RSAD2: variants seen among roughly 807,000 people sequenced by gnomAD.
RSAD2 encodes the protein radical S-adenosyl methionine domain containing 2.
RSAD2 carries 38 observed loss-of-function variants against 37.7 expected under a neutral mutation model. That is an observed-to-expected ratio of 1.01 (90% CI 0.78 to 1.32). The LOEUF is 1.32. RSAD2 is among the 40% of genes most tolerant of loss of function. The pLI is 0.00. For missense variants in RSAD2, 428 were observed against 437.5 expected (o/e 0.98, Z 0.19); for synonymous variants, 163 against 157.4 (o/e 1.04, Z -0.27).
chr2:6,884,743 G>A (rs16865704), intron 2 of RSAD2, among the ~76,000 whole-genome samples: 5 of 152,154 alleles, frequency 3.3e-5, no homozygotes, highest in East Asian at 1.9e-4. Flanking sequence ...TGTGGAGAAC[G>A]GGAAGCATCG....
At chr2:6,886,896 C>A in intron 2 of RSAD2, 39 bp from the exon 3 acceptor site, 1 of 1,522,132 alleles carries the variant, frequency 6.6e-7, no homozygotes, top group Non-Finnish European at 9.1e-7. Context: ...GGGCTTGGTC[C>A]TTGGATAGAA....
At chr2:6,873,306 C>A (rs188591809), upstream of RSAD2, among the ~76,000 whole-genome samples, 6 of 152,284 alleles carry the variant, frequency 3.9e-5, no homozygotes, top group African/African-American at 1.2e-4. Flanking sequence ...CCATGTTCAA[C>A]GTACTAGTTT....
intron 1 of RSAD2, among the ~76,000 whole-genome samples, chr2:6,870,890 C>G (rs1285746118): frequency 6.6e-6 from 1 of 152,182 alleles, no homozygotes; most frequent in Non-Finnish European, 1.5e-5. Context: ...TTCTGGCACT[C>G]CAGCTGGATT....
chr2:6,867,121 C>T (rs1028484139), intron 1 of RSAD2, among the ~76,000 whole-genome samples: 1 of 152,190 alleles, frequency 6.6e-6, no homozygotes, highest in Non-Finnish European at 1.5e-5. Flanking sequence ...GACAGTACTG[C>T]ATCCTCAAGC....
At chr2:6,878,534 C>G (rs1227786912) in intron 1 of RSAD2, among the ~76,000 whole-genome samples, 1 of 152,160 alleles carries the variant, frequency 6.6e-6, no homozygotes, top group Non-Finnish European at 1.5e-5. Flanking sequence ...TTTCCAGAAA[C>G]AGTTATTAAT....
chr2:6,877,660 ACT>A, upstream of RSAD2: 1 of 647,032 alleles, frequency 1.5e-6, no homozygotes, highest in Admixed American at 3.0e-5. Context: ...AAAAATCGAA[ACT>A]CTAACTCAGC....
chr2:6,877,969 G>A lies in RSAD2; in HGVS notation c.169G>A (p.Asp57Asn). Residue 57 changes from aspartate to asparagine, a missense_variant, in exon 1 of 6, where the codon GAT (aspartate) becomes AAT (asparagine). Coordinates refer to ENST00000382040, the MANE Select transcript of RSAD2 (RefSeq NM_080657.5). ...RKQQLVLRGPDETKEEEEDPP... is the reference protein window; with the variant it reads ...RKQQLVLRGPNETKEEEEDPP... ...GCAGCAGCTGGTCCTGAGAGGGCCA[G>A]ATGAGACCAAAGAGGAGGAAGAGGA... 6.2e-7 allele frequency: 1 copy of A among 1,614,180 alleles called. No homozygotes were observed. Among genetic ancestry groups the A allele is most frequent in the South Asian group, 1.1e-5 (1 of 91,070 alleles).
chr2:6,893,260 A>G (rs1207105740), intron 4 of RSAD2, among the ~76,000 whole-genome samples: 2 of 152,026 alleles, frequency 1.3e-5, no homozygotes, highest in African/African-American at 4.8e-5. Flanking sequence ...TTTAGCTCCA[A>G]AAAAATAGCA....
At chr2:6,872,816 A>G (rs562307768), upstream of RSAD2, among the ~76,000 whole-genome samples, 45 of 152,336 alleles carry the variant, frequency 3.0e-4, no homozygotes, top group Non-Finnish European at 5.6e-4. Context: ...ACACTGATAC[A>G]GAACTTTAAA....
At chr2:6,875,950 C>T (rs753339793), upstream of RSAD2, among the ~76,000 whole-genome samples, 7 of 152,130 alleles carry the variant, frequency 4.6e-5, no homozygotes, top group Admixed American at 2.0e-4. Flanking sequence ...CTGAACTGTT[C>T]GCAGGATTGC....
At chr2:6,893,622 A>G in intron 4 of RSAD2, 49 bp from the exon 5 acceptor site, 2 of 1,461,784 alleles carry the variant, frequency 1.4e-6, no homozygotes, top group Non-Finnish European at 1.9e-6. Flanking sequence ...GAGCTCACAT[A>G]CTGAGAAATG....
At chr2:6,880,238 C>T (rs1234305040) in intron 1 of RSAD2, among the ~76,000 whole-genome samples, 2 of 152,062 alleles carry the variant, frequency 1.3e-5, no homozygotes, top group Non-Finnish European at 2.9e-5. Context: ...GAAAGAAACA[C>T]AAAAGGTGGC....
chr2:6,875,680 G>A (rs1663269108), upstream of RSAD2, among the ~76,000 whole-genome samples: 1 of 152,126 alleles, frequency 6.6e-6, no homozygotes, highest in Admixed American at 6.6e-5. Context: ...TCCTCACCAG[G>A]AGATTTGGCC....
chr2:6,897,569 C>G lies in RSAD2; in HGVS notation c.*1627C>G, dbSNP rs759337980. ...GGTTGTCTTCTATTTTCCATTTTAC[C>G]TATTTACTTTTTTTGTAAGAAAAGA... On this transcript the variant is annotated 3_prime_UTR_variant, in exon 6 of 6. Coordinates refer to ENST00000382040, the MANE Select transcript of RSAD2 (RefSeq NM_080657.5). 1 of 152,128 alleles carries G rather than the reference C, an allele frequency of 6.6e-6. No individual in the cohort carries two copies. The highest frequency in any genetic ancestry group is 1.5e-5 in the Non-Finnish European group (1 of 68,010). The allele number at this position is 152,128 out of a possible 1,614,324, so 9.4% of individuals were successfully genotyped here.
intron 2 of RSAD2, 160 bp downstream of exon 2, chr2:6,883,692 G>A (rs1311797252): frequency 1.0e-5 from 8 of 775,664 alleles, no homozygotes; most frequent in East Asian, 8.1e-5. Context: ...AGCTGTGCAC[G>A]GCATTATGGC....
chr2:6,866,004 C>T (rs1053044330), exon 1 of RSAD2: 117 of 617,000 alleles, frequency 1.9e-4, no homozygotes, highest in African/African-American at 5.2e-4. Flanking sequence ...CGCCGGCTCC[C>T]GGGGCTGACA....
chr2:6,873,654 A>G (rs1386768360), upstream of RSAD2, among the ~76,000 whole-genome samples: 1 of 152,220 alleles, frequency 6.6e-6, no homozygotes, highest in African/African-American at 2.4e-5. Flanking sequence ...TCTTCTGATT[A>G]TCACTTTGCT....
chr2:6,891,888 A>G (rs1309407607), intron 4 of RSAD2, among the ~76,000 whole-genome samples: 1 of 152,236 alleles, frequency 6.6e-6, no homozygotes, highest in Non-Finnish European at 1.5e-5. Context: ...ACTAACAAGC[A>G]TATTCCAAAA....
chr2:6,869,567 C>G (rs1011816072), intron 1 of RSAD2, among the ~76,000 whole-genome samples: 1 of 152,112 alleles, frequency 6.6e-6, no homozygotes, highest in East Asian at 1.9e-4. Context: ...TGTACAATCA[C>G]TAACAAAGTG....
Sources: allele counts gnomAD v4.1 joint callset (sites outside exome capture counted in the v4.1 genomes callset), GRCh38; gene constraint gnomAD v4.1.1; transcripts MANE v1.5; gene names NCBI Gene and HGNC (gene_info 2026-07-23, HGNC 2026-07-21).